Variants in KMT2B observed in about 807,000 individuals in gnomAD.
KMT2B encodes lysine methyltransferase 2B.
In KMT2B, 22 loss-of-function variants were observed where a neutral mutation model predicts 255.3. The observed-to-expected ratio is 0.09, with a 90% CI of 0.06 to 0.12. KMT2B has a LOEUF of 0.12. KMT2B is among the 10% of genes least tolerant of loss of function. The probability of loss-of-function intolerance (pLI) is 1.00; values close to 1 mark genes in which losing one functional copy is unlikely to be tolerated. For missense variants in KMT2B, 3,149 were observed against 3,737.0 expected (o/e 0.84, Z 4.10); for synonymous variants, 1,730 against 1,498.1 (o/e 1.15, Z -3.57).
At chr19:35,729,121 T>C in intron 21 of KMT2B, 38 bp from the exon 22 acceptor site, 1 of 1,613,978 alleles carries the variant, frequency 6.2e-7, no homozygotes. Context: ...GCCTGTTCCC[T>C]GGCCTCCCCA....
In KMT2B at chr19:35,733,110, C is replaced by T. The variant is rs780829202; in HGVS notation, c.6561C>T (p.Ala2187=). Residue 2187 remains alanine, a synonymous_variant, in exon 28 of 37, where the codon GCC becomes GCT. Transcript: ENST00000420124. This position sits in a 1 kb window ranked among gnomAD's most constrained non-coding sequence, Gnocchi z 4.3. ...LGPAPEPPKP[A]TSKIILVNKL... ...CTGCCCCTGAGCCCCCCAAACCCGC[C>T]ACATCCAAAATCATACTTGTCAACA... 1 of 1,591,010 alleles carries T rather than the reference C, an allele frequency of 6.3e-7. No homozygotes were observed. Among genetic ancestry groups the T allele is most frequent in the East Asian group, 2.3e-5 (1 of 43,670 alleles).
intron 20 of KMT2B, 21 bp from the exon 21 acceptor site, chr19:35,728,964 C>T: frequency 6.2e-7 from 1 of 1,613,652 alleles, no homozygotes; most frequent in Non-Finnish European, 8.5e-7. Context: ...TCTTAGACCT[C>T]CCTTCACATT....
intron 20 of KMT2B, 37 bp from the exon 21 acceptor site, chr19:35,728,948 C>T (rs1969576743): frequency 2.5e-6 from 4 of 1,612,986 alleles, no homozygotes; most frequent in Non-Finnish European, 3.4e-6. Context: ...GGCTCCGGGT[C>T]CTGATTCTTA....
rs1314759870 is a variant in KMT2B, at chr19:35,718,568, GC to G, written c.363+191del. On this transcript the variant is annotated intron_variant, in intron 1 of 36. Coordinates refer to ENST00000420124, the MANE Select transcript of KMT2B (RefSeq NM_014727.3). This position sits in a 1 kb window ranked among gnomAD's most constrained non-coding sequence, Gnocchi z 5.0. Reference sequence around the variant, plus strand: ...AGGGCCTCTGGAAGTGGGTAGAGAAGCCCCGGCTGCAGCCAGGCACTCGCGC... The same window carrying G: ...AGGGCCTCTGGAAGTGGGTAGAGAAGCCCGGCTGCAGCCAGGCACTCGCGC... 6.6e-6 allele frequency among the ~76,000 whole-genome samples: 1 copy of G among 152,228 alleles called. No homozygotes were observed. Among genetic ancestry groups the G allele is most frequent in the Non-Finnish European group, 1.5e-5 (1 of 68,030 alleles).
In KMT2B at chr19:35,718,187, G is replaced by A; in HGVS notation, c.169G>A (p.Gly57Ser). The change falls in exon 1 of 37, where the codon GGC becomes AGC. Residue 57 changes from glycine to serine, a missense_variant. Physicochemically the swap from Gly to Ser is moderately conservative, Grantham distance 56. Transcript: ENST00000420124. This position sits in a 1 kb window ranked among gnomAD's most constrained non-coding sequence, Gnocchi z 5.0. ...LRRGGGATGP[G>S]GAEPGEDTAL... Reference sequence around the variant, plus strand: ...GCGCGGCGGTGGCGCGACGGGGCCGGGCGGAGCCGAGCCCGGGGAGGACAC... The same window carrying A: ...GCGCGGCGGTGGCGCGACGGGGCCGAGCGGAGCCGAGCCCGGGGAGGACAC... 1.8e-6 allele frequency: 2 copies of A among 1,125,114 alleles called. No homozygotes were observed. Among genetic ancestry groups the A allele is most frequent in the Middle Eastern group, 3.8e-4 (1 of 2,656 alleles). The allele number at this position is 1,125,114 out of a possible 1,614,324, so 69.7% of individuals were successfully genotyped here. A position where few individuals can be genotyped will look rare whatever the true frequency, so the allele number is the denominator to read the frequency against.
chr19:35,721,217 GCCCCTCCACCTCCC>G lies in KMT2B; in HGVS notation c.1873_1886del (p.Pro625GlyfsTer46). 34 of 356,656 alleles carry G rather than the reference GCCCCTCCACCTCCC, an allele frequency of 9.5e-5. No homozygotes were observed. Among genetic ancestry groups the G allele is most frequent in the Non-Finnish European group, 1.2e-4 (31 of 254,510 alleles). The allele number at this position is 356,656 out of a possible 1,614,324, so 22.1% of individuals were successfully genotyped here. A position where few individuals can be genotyped will look rare whatever the true frequency, so the allele number is the denominator to read the frequency against. On this transcript the variant is annotated frameshift_variant, in exon 3 of 37. Coordinates refer to ENST00000420124, the MANE Select transcript of KMT2B (RefSeq NM_014727.3). LOFTEE classifies it high-confidence loss of function. ...CCGGGAGCTGCCCCCTCCTCCCCCA[GCCCCTCCACCTCCC>G]CCGGCCCCCTCCCCACCCCCTGCTC...
At position 35,725,235 on chromosome 19, in the gene KMT2B, G is replaced by A; in HGVS notation, c.3544G>A (p.Glu1182Lys). The A allele has an allele frequency of 6.2e-7, 1 of 1,612,108 alleles. No individual in the cohort carries two copies. The highest frequency in any genetic ancestry group is 8.5e-7 in the Non-Finnish European group (1 of 1,179,024). Residue 1182 changes from glutamate (E) to lysine (K), a missense_variant, in exon 11 of 37, where the codon GAG (glutamate) becomes AAG (lysine). Coordinates refer to ENST00000420124, the MANE Select transcript of KMT2B (RefSeq NM_014727.3). The surrounding 1 kb of genome is among the most constrained non-coding windows in gnomAD (Gnocchi z 4.1). ...CTTCCCCCAGGAGGATTGTGATTTA[G>A]AGAACGTGTGGCTGATGGGGGGCCT... ...RVDFKEDCDL[E>K]NVWLMGGLSV...
Position 35,719,994 on chromosome 19 carries a change from C to A in KMT2B, c.647C>A (p.Pro216His), listed in dbSNP as rs200386275. ...PRSRACEPST[P>H]RRSRGRPPGR... ...AGCCGGGCATGTGAGCCCTCCACCC[C>A]CCGGCGGTCTCGGGGACGGCCCCCA... is the stretch of plus-strand genomic sequence containing the variant. The change falls in exon 3 of 37, where the codon CCC becomes CAC. Residue 216 changes from proline to histidine, a missense_variant. Coordinates refer to ENST00000420124, the MANE Select transcript of KMT2B (RefSeq NM_014727.3). The A allele has an allele frequency of 5.6e-4, 909 of 1,613,170 alleles. 8 individuals are homozygous for A. The highest frequency in any genetic ancestry group is 1.5e-4 in the Non-Finnish European group (176 of 1,179,754).
chr19:35,726,196 C>A, intron 13 of KMT2B, 40 bp from the exon 14 acceptor site: 1 of 1,488,586 alleles, frequency 6.7e-7, no homozygotes, highest in Non-Finnish European at 9.3e-7. Flanking sequence ...TGCTCCAGTC[C>A]AGTGCCTGGT....
intron 23 of KMT2B, 40 bp downstream of exon 23, chr19:35,730,165 T>A (rs774761739): frequency 6.2e-7 from 1 of 1,611,298 alleles, no homozygotes; most frequent in African/African-American, 1.3e-5. Flanking sequence ...CTTCCCCACC[T>A]CTCTTCCTGT....
At position 35,727,496 on chromosome 19, in the gene KMT2B, G is replaced by A. The variant is rs374868218; in HGVS notation, c.4176G>A (p.Pro1392=). 9.1e-5 allele frequency: 146 copies of A among 1,611,776 alleles called. No individual in the cohort carries two copies. Among genetic ancestry groups the A allele is most frequent in the Middle Eastern group, 3.3e-4 (2 of 6,084 alleles). The change falls in exon 16 of 37, where the codon CCG becomes CCA. Residue 1392 remains proline (P), a synonymous_variant. Coordinates refer to ENST00000420124, the MANE Select transcript of KMT2B (RefSeq NM_014727.3). This position sits in a 1 kb window ranked among gnomAD's most constrained non-coding sequence, Gnocchi z 4.2. ...ACTCGGTGCTGTACACCTGCGGACC[G>A]TGTGCTGGGGCAGCGCAGCCCCGCT... ...LPDSVLYTCG[P]CAGAAQPRWR... is the part of the protein sequence containing the mutation.
intron 18 of KMT2B, 38 bp from the exon 19 acceptor site, chr19:35,728,060 G>C (rs747366621): frequency 2.5e-6 from 4 of 1,569,812 alleles, no homozygotes; most frequent in Non-Finnish European, 3.5e-6. Context: ...CTCTCCTGGG[G>C]AAGCTGGCTC....
Position 35,732,948 on chromosome 19 carries a change from G to A in KMT2B, c.6399G>A (p.Glu2133=). 6.2e-7 allele frequency: 1 copy of A among 1,607,396 alleles called. No individual in the cohort carries two copies. Among genetic ancestry groups the A allele is most frequent in the Non-Finnish European group, 8.5e-7 (1 of 1,177,590 alleles). ...GGGATGGAGGTGCTGGCCCTAGAGA[G>A]GAGTCACTCCCCCCGGCGCCTCCCC... ...GPGDGGAGPR[E]ESLPPAPPLA... is the part of the protein sequence containing the mutation. Residue 2133 remains glutamate (E), a synonymous_variant, in exon 28 of 37, where the codon GAG becomes GAA. Coordinates refer to ENST00000420124, the MANE Select transcript of KMT2B (RefSeq NM_014727.3).
rs1057519283 is a variant in KMT2B, at chr19:35,721,037, C to G, written c.1690C>G (p.Arg564Gly). 1 of 1,608,370 alleles carries G rather than the reference C, an allele frequency of 6.2e-7. No individual in the cohort carries two copies. The highest frequency in any genetic ancestry group is 1.3e-5 in the African/African-American group (1 of 74,204). Residue 564 changes from arginine to glycine, a missense_variant, in exon 3 of 37, where the codon CGA becomes GGA. Around this residue, in one of 18 missense-constraint regions of KMT2B, gnomAD observed 1,188 missense variants for 1,106.4 expected, o/e 1.07. Coordinates refer to ENST00000420124, the MANE Select transcript of KMT2B (RefSeq NM_014727.3). ...AAAGGTGGAGGTCTCACCTGTCCTG[C>G]GACCTCCCATTACCACCTCCCCACC... Reference protein sequence around the residue: ...PPKVEVSPVLRPPITTSPPVP... With the variant: ...PPKVEVSPVLGPPITTSPPVP...
rs2146428935 is a variant in KMT2B at position 35,718,214 on chromosome 19, G to A, written c.196G>A (p.Ala66Thr). 1.7e-6 allele frequency: 2 copies of A among 1,167,550 alleles called. No homozygotes were observed. The highest frequency in any genetic ancestry group is 4.2e-5 in the South Asian group (1 of 23,770). 72.3% of individuals were successfully genotyped at this position (1,167,550 alleles called of 1,614,324 possible). Residue 66 changes from alanine to threonine, a missense_variant, in exon 1 of 37, where the codon GCC (alanine) becomes ACC (threonine). Around this residue, in one of 18 missense-constraint regions of KMT2B, gnomAD observed 1,188 missense variants for 1,106.4 expected, o/e 1.07. Coordinates refer to ENST00000420124, the MANE Select transcript of KMT2B (RefSeq NM_014727.3). This position sits in a 1 kb window ranked among gnomAD's most constrained non-coding sequence, Gnocchi z 5.0. Reference sequence around the variant, plus strand: ...CGGAGCCGAGCCCGGGGAGGACACGGCCCTGCTCCGTTTGCTGGGGCTCCG... The same window carrying A: ...CGGAGCCGAGCCCGGGGAGGACACGACCCTGCTCCGTTTGCTGGGGCTCCG... The part of the protein sequence containing the change: ...PGGAEPGEDT[A>T]LLRLLGLRRG...
Position 35,733,185 on chromosome 19 carries a change from A to ACCC in KMT2B, c.6639_6641dup (p.Pro2214dup). Reference sequence around the variant, plus strand: ...TGGCTGGGGAGGGTGAACCTGTCCCACCCCCAGTGAAGCAGCCACCTTTGC... The same window carrying ACCC: ...TGGCTGGGGAGGGTGAACCTGTCCCACCCCCCCCAGTGAAGCAGCCACCTTTGC... On this transcript the variant is annotated inframe_insertion, in exon 28 of 37. Coordinates refer to ENST00000420124, the MANE Select transcript of KMT2B (RefSeq NM_014727.3). This position sits in a 1 kb window ranked among gnomAD's most constrained non-coding sequence, Gnocchi z 4.3. 1 of 1,525,554 alleles carries ACCC rather than the reference A, an allele frequency of 6.6e-7. No homozygotes were observed. The highest frequency in any genetic ancestry group is 1.7e-4 in the Middle Eastern group (1 of 5,916). 94.5% of individuals were successfully genotyped at this position (1,525,554 alleles called of 1,614,324 possible). A position where few individuals can be genotyped will look rare whatever the true frequency, so the allele number is the denominator to read the frequency against.
At position 35,720,168 on chromosome 19, in the gene KMT2B, C is replaced by A; in HGVS notation, c.821C>A (p.Pro274Gln). 2 of 1,604,138 alleles carry A rather than the reference C, an allele frequency of 1.2e-6. No homozygotes were observed. Among genetic ancestry groups the A allele is most frequent in the African/African-American group, 1.3e-5 (1 of 74,822 alleles). ...TGGAAATGCAAGGAGGGGCCCGGTC[C>A]AGGACCTGGGACCCCCAGGCGTGGA... is the stretch of plus-strand genomic sequence containing the variant. ...GSWKCKEGPG[P>Q]GPGTPRRGGQ... The change falls in exon 3 of 37, where the codon CCA becomes CAA. Residue 274 changes from proline to glutamine, a missense_variant. Physicochemically the swap from Pro to Gln is moderately conservative, Grantham distance 76. Around this residue, in one of 18 missense-constraint regions of KMT2B, gnomAD observed 1,188 missense variants for 1,106.4 expected, o/e 1.07. Coordinates refer to ENST00000420124, the MANE Select transcript of KMT2B (RefSeq NM_014727.3).
Position 35,733,209 on chromosome 19 carries a change from GC to G in KMT2B, c.6666del (p.Thr2223ProfsTer38). 2.0e-6 allele frequency: 3 copies of G among 1,500,626 alleles called. No homozygotes were observed. Among genetic ancestry groups the G allele is most frequent in the African/African-American group, 1.4e-5 (1 of 69,732 alleles). 93.0% of individuals were successfully genotyped at this position (1,500,626 alleles called of 1,614,324 possible). On this transcript the variant is annotated frameshift_variant, in exon 28 of 37. Transcript: ENST00000420124. LOFTEE classifies it high-confidence loss of function. This position sits in a 1 kb window ranked among gnomAD's most constrained non-coding sequence, Gnocchi z 4.3. ...CACCCCCAGTGAAGCAGCCACCTTT[GC>G]CCCCCACCATTTCCCCCACGGCTCC... ...VPPPVKQPPL[P>X]PTISPTAPTS...
chr19:35,723,019 A>C lies in KMT2B; in HGVS notation c.2747A>C (p.Glu916Ala). ...TEDTSSASETESVPSRSRRGK... is the reference protein window; with the variant it reads ...TEDTSSASETASVPSRSRRGK... ...GATACATCATCGGCGTCCGAGACTG[A>C]GAGTGTCCCGTCACGGTCCCGGCGG... The change falls in exon 6 of 37, where the codon GAG (glutamate) becomes GCG (alanine). Residue 916 changes from glutamate (E) to alanine (A), a missense_variant. This residue lies in a region of KMT2B where 132 missense variants were observed against 174.7 expected (regional missense o/e 0.76). Coordinates refer to ENST00000420124, the MANE Select transcript of KMT2B (RefSeq NM_014727.3). This position sits in a 1 kb window ranked among gnomAD's most constrained non-coding sequence, Gnocchi z 7.5. The C allele has an allele frequency of 6.2e-7, 1 of 1,607,598 alleles. No individual in the cohort carries two copies. Among genetic ancestry groups the C allele is most frequent in the Non-Finnish European group, 8.5e-7 (1 of 1,176,058 alleles).
Sources: allele counts gnomAD v4.1 joint callset (sites outside exome capture counted in the v4.1 genomes callset), GRCh38; gene constraint gnomAD v4.1.1; regional missense constraint gnomAD v4.1.1; non-coding constraint Gnocchi (gnomAD v3.1); transcripts MANE v1.5; gene names NCBI Gene and HGNC (gene_info 2026-07-23, HGNC 2026-07-21).